SLC27A6: variants seen among roughly 807,000 people sequenced by gnomAD.
SLC27A6 encodes solute carrier family 27 member 6.
In SLC27A6, 74 loss-of-function variants were observed where a neutral mutation model predicts 63.9. That is an observed-to-expected ratio of 1.16 (90% CI 0.96 to 1.40). The LOEUF (loss-of-function observed/expected upper bound fraction) is 1.40. Among genes scored for constraint, SLC27A6 ranks in the 40% most tolerant of loss-of-function variants. The pLI is 0.00. For synonymous variants in SLC27A6, 287 were observed against 260.8 expected (o/e 1.10, Z -0.97); for missense variants, 794 against 732.9 (o/e 1.08, Z -0.96).
intron 8 of SLC27A6, 84 bp downstream of exon 8, chr5:129,028,526 A>C (rs554118944): frequency 9.1e-5 from 73 of 803,334 alleles, no homozygotes; most frequent in Non-Finnish European, 1.3e-4. Flanking sequence ...TTGCTAATTC[A>C]ACATTTTAAT....
At chr5:128,993,053 TG>T (rs1240456513) in intron 4 of SLC27A6, among the ~76,000 whole-genome samples, 1 of 152,232 alleles carries the variant, frequency 6.6e-6, no homozygotes, top group Non-Finnish European at 1.5e-5. Context: ...TTTTCAGAAG[TG>T]AATGTAAATA....
At position 128,965,581 on chromosome 5, in the gene SLC27A6, GTCA is replaced by G. The variant is rs995843919; in HGVS notation, c.-548_-546del. Reference sequence around the variant, plus strand: ...AGACTGTAAATCGCTGCGCTTCTCAGTCATCATCATCCCAGCTTTTCCCGGCTC... The same window carrying G: ...AGACTGTAAATCGCTGCGCTTCTCAGTCATCATCCCAGCTTTTCCCGGCTC... On this transcript the variant is annotated 5_prime_UTR_variant, in exon 1 of 10. Transcript: ENST00000262462. 2.0e-5 allele frequency: 3 copies of G among 152,512 alleles called. No individual in the cohort carries two copies. The highest frequency in any genetic ancestry group is 7.2e-5 in the African/African-American group (3 of 41,466). The allele number at this position is 152,512 out of a possible 1,614,324, so 9.4% of individuals were successfully genotyped here.
At chr5:129,003,496 C>T (rs1250187748) in intron 4 of SLC27A6, among the ~76,000 whole-genome samples, 1 of 152,102 alleles carries the variant, frequency 6.6e-6, no homozygotes, top group Non-Finnish European at 1.5e-5. Context: ...CAAGCCACAG[C>T]TTATTGGTTG....
At chr5:129,031,381 G>T (rs1252887269) in intron 9 of SLC27A6, among the ~76,000 whole-genome samples, 1 of 151,958 alleles carries the variant, frequency 6.6e-6, no homozygotes, top group Admixed American at 6.6e-5. Flanking sequence ...TTAAAAAATG[G>T]AAGAAGCCTT....
chr5:129,030,827 T>C (rs1426464261), intron 9 of SLC27A6, among the ~76,000 whole-genome samples: 2 of 152,002 alleles, frequency 1.3e-5, no homozygotes, highest in Admixed American at 1.3e-4. Flanking sequence ...TACTTACACT[T>C]ATATGTGTGC....
intron 4 of SLC27A6, among the ~76,000 whole-genome samples, chr5:129,010,667 G>C (rs902225254): frequency 3.9e-5 from 6 of 152,150 alleles, no homozygotes; most frequent in African/African-American, 1.4e-4. Flanking sequence ...AAAGAAAAGA[G>C]AGTCTTAGTC....
intron 7 of SLC27A6, among the ~76,000 whole-genome samples, chr5:129,027,667 T>G (rs905304607): frequency 2.0e-5 from 3 of 152,106 alleles, no homozygotes; most frequent in Admixed American, 6.6e-5. Flanking sequence ...CTTGGCCTAA[T>G]GATAAAAATT....
chr5:128,992,483 C>G (rs1751018038), intron 4 of SLC27A6, among the ~76,000 whole-genome samples: 1 of 152,198 alleles, frequency 6.6e-6, no homozygotes, highest in Non-Finnish European at 1.5e-5. Context: ...TTCTGACCCA[C>G]CTCCCTGTGG....
chr5:128,970,837 T>C (rs1750125056), intron 1 of SLC27A6, among the ~76,000 whole-genome samples: 2 of 150,022 alleles, frequency 1.3e-5, no homozygotes, highest in Admixed American at 6.7e-5. Context: ...CTAGTTCTTT[T>C]AATTGTGATG....
chr5:129,033,249 T>C lies in SLC27A6; in HGVS notation c.1827T>C (p.Tyr609=). ...KSYVLLTREL[Y]DQIMLGEIKL is the part of the protein sequence containing the mutation. ...ATGTTCTACTGACCAGGGAACTTTA[T>C]GATCAAATAATGTTAGGGGAAATAA... The change falls in exon 10 of 10, where the codon TAT becomes TAC. Residue 609 remains tyrosine, a synonymous_variant. Transcript: ENST00000262462. 1 of 1,588,790 alleles carries C rather than the reference T, an allele frequency of 6.3e-7. No homozygotes were observed. Among genetic ancestry groups the C allele is most frequent in the Non-Finnish European group, 8.6e-7 (1 of 1,166,710 alleles).
At chr5:129,018,501 G>A (rs1751978391) in intron 5 of SLC27A6, among the ~76,000 whole-genome samples, 1 of 152,066 alleles carries the variant, frequency 6.6e-6, no homozygotes, top group Admixed American at 6.6e-5. Flanking sequence ...AGAACTTTGA[G>A]GGTATAGTTG....
intron 8 of SLC27A6, 149 bp from the exon 9 acceptor site, chr5:129,029,428 G>A (rs1375959123): frequency 1.3e-5 from 7 of 555,532 alleles, no homozygotes; most frequent in Middle Eastern, 4.5e-4. Context: ...ATATGTTCAG[G>A]GAAGGATACA....
chr5:128,987,164 A>G (rs936981994), intron 2 of SLC27A6, among the ~76,000 whole-genome samples: 1 of 152,138 alleles, frequency 6.6e-6, no homozygotes, highest in Non-Finnish European at 1.5e-5. Context: ...AGATAGATAT[A>G]CATATATGTA....
chr5:128,967,696 C>T (rs902166621), intron 1 of SLC27A6, among the ~76,000 whole-genome samples: 17 of 152,204 alleles, frequency 1.1e-4, no homozygotes, highest in South Asian at 1.0e-3. Context: ...TATCACTGTT[C>T]CTAGTTCTTT....
At chr5:129,031,650 C>T (rs1206930807) in intron 9 of SLC27A6, among the ~76,000 whole-genome samples, 1 of 151,724 alleles carries the variant, frequency 6.6e-6, no homozygotes, top group Non-Finnish European at 1.5e-5. Context: ...TTGATATTCT[C>T]TAAAAGTTCA....
At chr5:129,017,786 C>G (rs1429930258) in intron 5 of SLC27A6, among the ~76,000 whole-genome samples, 1 of 152,044 alleles carries the variant, frequency 6.6e-6, no homozygotes, top group African/African-American at 2.4e-5. Context: ...GTACAACTTA[C>G]TAGTATTGAC....
At chr5:128,970,483 T>A (rs1295056046) in intron 1 of SLC27A6, among the ~76,000 whole-genome samples, 4 of 152,214 alleles carry the variant, frequency 2.6e-5, no homozygotes, top group Non-Finnish European at 5.9e-5. Flanking sequence ...TGGTTTAGTC[T>A]TGTGACGGTG....
intron 1 of SLC27A6, among the ~76,000 whole-genome samples, chr5:128,979,459 A>G (rs935931855): frequency 4.6e-5 from 7 of 152,184 alleles, no homozygotes; most frequent in African/African-American, 1.7e-4. Flanking sequence ...TCTTGCAGAA[A>G]TACTACCTTA....
intron 4 of SLC27A6, among the ~76,000 whole-genome samples, chr5:128,993,611 T>A (rs1166987100): frequency 6.6e-6 from 1 of 152,182 alleles, no homozygotes; most frequent in African/African-American, 2.4e-5. Context: ...GAACTCCCAC[T>A]TCATATAATA....
Sources: gnomAD v4.1 joint callset for allele counts (sites outside exome capture counted in the v4.1 genomes callset) on GRCh38, gnomAD v4.1.1 for gene constraint, MANE v1.5 for transcripts, NCBI Gene and HGNC (gene_info 2026-07-23, HGNC 2026-07-21) for gene names.